RIMS2: variants seen among roughly 807,000 people sequenced by gnomAD.
RIMS2 encodes regulating synaptic membrane exocytosis 2.
A neutral mutation model predicts 174.4 loss-of-function variants in RIMS2; 59 were observed. That is an observed-to-expected ratio of 0.34 (90% CI 0.27 to 0.42). RIMS2 has a LOEUF of 0.42. Among genes scored for constraint, RIMS2 ranks in the 10% least tolerant of loss-of-function variants. The pLI, the probability that RIMS2 is intolerant of heterozygous loss-of-function variation, is 1.00. For synonymous variants in RIMS2, 606 were observed against 572.5 expected, an observed-to-expected ratio of 1.06 and a Z score of -0.84; for missense variants, 1,620 against 1,666.3, an observed-to-expected ratio of 0.97 and a Z score of 0.48.
intron 1 of RIMS2, among the ~76,000 whole-genome samples, chr8:103,678,049 G>A (rs940148139): frequency 5.3e-5 from 8 of 152,116 alleles, no homozygotes; most frequent in African/African-American, 9.7e-5. Context: ...GATGTATGGC[G>A]AAACCTTTAG....
intron 1 of RIMS2, among the ~76,000 whole-genome samples, chr8:103,591,949 G>A (rs10086992): frequency 0.38 from 56,859 of 150,838 alleles, 11,063 homozygotes; most frequent in African/African-American, 0.4. Context: ...GCTTAGTGAA[G>A]TTATGATTGG....
Position 103,618,839 on chromosome 8 carries a change from A to G in RIMS2, c.177-78247A>G, listed in dbSNP as rs547182896. Among the ~76,000 whole-genome samples the G allele has an allele frequency of 3.9e-5, 6 of 152,252 alleles. 1 individual carries two copies. Among genetic ancestry groups the G allele is most frequent in the Non-Finnish European group, 7.4e-5 (5 of 67,978 alleles). On this transcript the variant is annotated intron_variant, in intron 1 of 23. Transcript: ENST00000504942. Reference sequence around the variant, plus strand: ...GAGAGTTTTCTCTGAGGGTAATGCAAGGATATTGGAAGACAAACCTATTTT... The same window carrying G: ...GAGAGTTTTCTCTGAGGGTAATGCAGGGATATTGGAAGACAAACCTATTTT...
intron 17 of RIMS2, among the ~76,000 whole-genome samples, chr8:104,008,009 T>A (rs546046695): frequency 3.3e-5 from 5 of 152,132 alleles, no homozygotes; most frequent in Non-Finnish European, 7.4e-5. Context: ...TTGTTCAAAA[T>A]TGATCAGTGA....
At chr8:103,962,018 G>A (rs1444660248) in intron 15 of RIMS2, among the ~76,000 whole-genome samples, 2 of 152,084 alleles carry the variant, frequency 1.3e-5, no homozygotes, top group East Asian at 1.9e-4. Flanking sequence ...GTAGTTTTGA[G>A]AAATATTTCT....
intron 17 of RIMS2, among the ~76,000 whole-genome samples, chr8:104,008,575 G>A (rs931176174): frequency 6.6e-6 from 1 of 151,262 alleles, no homozygotes; most frequent in African/African-American, 2.4e-5. Flanking sequence ...GAGGAAATTG[G>A]GACGTTTGGT....
intron 19 of RIMS2, among the ~76,000 whole-genome samples, chr8:104,062,015 T>C (rs916929583): frequency 6.6e-6 from 1 of 152,102 alleles, no homozygotes; most frequent in African/African-American, 2.4e-5. Flanking sequence ...ATCAAAAATA[T>C]GATCATTTTT....
chr8:103,552,636 A>G (rs1848541241), intron 1 of RIMS2, among the ~76,000 whole-genome samples: 1 of 152,238 alleles, frequency 6.6e-6, no homozygotes. Flanking sequence ...GCACAGCAAA[A>G]GACACTACAG....
chr8:103,913,445 AG>A (rs1188488330), intron 6 of RIMS2, among the ~76,000 whole-genome samples: 1 of 152,114 alleles, frequency 6.6e-6, no homozygotes, highest in Non-Finnish European at 1.5e-5. Context: ...CTCTAAAAAA[AG>A]TAAATGTTTT....
At chr8:103,687,761 A>G (rs141421341) in intron 1 of RIMS2, among the ~76,000 whole-genome samples, 1 of 152,192 alleles carries the variant, frequency 6.6e-6, no homozygotes, top group Admixed American at 6.5e-5. Flanking sequence ...ATCATACAGT[A>G]TTTGTCTTTC....
intron 16 of RIMS2, among the ~76,000 whole-genome samples, chr8:103,980,319 A>G (rs935415781): frequency 2.6e-5 from 4 of 152,118 alleles, no homozygotes; most frequent in Non-Finnish European, 4.4e-5. Context: ...ACATTTCTAG[A>G]CAAACATGGG....
intron 19 of RIMS2, among the ~76,000 whole-genome samples, chr8:104,018,125 G>T (rs2095978582): frequency 6.6e-6 from 1 of 152,074 alleles, no homozygotes; most frequent in Admixed American, 6.6e-5. Flanking sequence ...TTTAGAATTT[G>T]TTATTTGTTT....
At chr8:103,515,781 T>C (rs1828685946) in intron 1 of RIMS2, among the ~76,000 whole-genome samples, 1 of 152,114 alleles carries the variant, frequency 6.6e-6, no homozygotes, top group African/African-American at 2.4e-5. Context: ...ATTTTATAAA[T>C]ATTAGTGTTT....
intron 3 of RIMS2, among the ~76,000 whole-genome samples, chr8:103,854,322 T>A (rs1404721599): frequency 2.6e-5 from 4 of 152,112 alleles, no homozygotes; most frequent in Non-Finnish European, 5.9e-5. Flanking sequence ...TAGATTGACT[T>A]CTTCTTTTCC....
At chr8:103,641,489 A>G (rs1435650588) in intron 1 of RIMS2, among the ~76,000 whole-genome samples, 1 of 152,112 alleles carries the variant, frequency 6.6e-6, no homozygotes, top group African/African-American at 2.4e-5. Flanking sequence ...AACTGTATGT[A>G]TGTACCTATC....
intron 14 of RIMS2, among the ~76,000 whole-genome samples, chr8:103,948,308 A>C (rs538732816): frequency 2.0e-5 from 3 of 152,346 alleles, no homozygotes; most frequent in Admixed American, 1.3e-4. Flanking sequence ...AAATAAATTT[A>C]CCGTATGACC....
chr8:104,164,071 G>A (rs571151102), intron 19 of RIMS2, among the ~76,000 whole-genome samples: 5 of 152,126 alleles, frequency 3.3e-5, no homozygotes, highest in South Asian at 2.1e-4. Context: ...GGGGAACAGC[G>A]GCCACCCACC....
At chr8:103,826,675 A>G (rs1409466246) in intron 3 of RIMS2, among the ~76,000 whole-genome samples, 1 of 149,450 alleles carries the variant, frequency 6.7e-6, no homozygotes, top group Non-Finnish European at 1.5e-5. Context: ...TCTTCTGCAT[A>G]TATATATTTC....
In RIMS2 at chr8:103,538,911, T is replaced by G. The variant is rs563482011; in HGVS notation, c.176+37849T>G. Among the ~76,000 whole-genome samples the G allele has an allele frequency of 7.9e-5, 12 of 152,360 alleles. No individual in the cohort carries two copies. In the South Asian group the frequency reaches 1.7e-3, roughly 21 times the overall value. On this transcript the variant is annotated intron_variant, in intron 1 of 23. Transcript: ENST00000504942. ...TTTTCCATTCCTGAGTTACTTCACTTAGAATAATAGTTTCTAATCTCATCC... is the reference window on the plus strand; with the variant it reads ...TTTTCCATTCCTGAGTTACTTCACTGAGAATAATAGTTTCTAATCTCATCC...
chr8:103,814,753 C>T (rs1049711263), intron 3 of RIMS2, among the ~76,000 whole-genome samples: 1 of 152,018 alleles, frequency 6.6e-6, no homozygotes, highest in African/African-American at 2.4e-5. Flanking sequence ...ATGGTGCACA[C>T]CTATAGTCCT....
Sources: gnomAD v4.1 joint callset for allele counts (sites outside exome capture counted in the v4.1 genomes callset) on GRCh38, gnomAD v4.1.1 for gene constraint, MANE v1.5 for transcripts, NCBI Gene and HGNC (gene_info 2026-07-23, HGNC 2026-07-21) for gene names.